ANO4: variants seen among roughly 807,000 people sequenced by gnomAD.
ANO4 encodes anoctamin-4.
ANO4 carries 69 observed loss-of-function variants against 141.9 expected under a neutral mutation model. That is an observed-to-expected ratio of 0.49 (90% CI 0.40 to 0.59). ANO4 has a LOEUF of 0.59. Among genes scored for constraint, ANO4 ranks in the 20% least tolerant of loss-of-function variants. The pLI is 0.00. For synonymous variants in ANO4, 350 were observed against 394.3 expected, an observed-to-expected ratio of 0.89 and a Z score of 1.33; for missense variants, 894 against 1,162.2, an observed-to-expected ratio of 0.77 and a Z score of 3.36.
chr12:100,933,604 G>A (rs549137024), intron 3 of ANO4, among the ~76,000 whole-genome samples: 2 of 152,290 alleles, frequency 1.3e-5, no homozygotes, highest in African/African-American at 4.8e-5. Flanking sequence ...CTTTATAGTA[G>A]CATGATTTAT....
intron 3 of ANO4, among the ~76,000 whole-genome samples, chr12:100,752,783 A>G (rs1300998242): frequency 6.6e-6 from 1 of 152,212 alleles, no homozygotes; most frequent in Non-Finnish European, 1.5e-5. Context: ...ACATCTCTGG[A>G]GTCAGTGAAG....
chr12:101,050,427 A>T (rs906823610), intron 14 of ANO4, among the ~76,000 whole-genome samples: 2 of 152,154 alleles, frequency 1.3e-5, no homozygotes, highest in Admixed American at 6.5e-5. Context: ...TTGCAAACAA[A>T]CTAACCCTAA....
In ANO4 at chr12:100,724,290, A is replaced by G. The variant is rs1036223114; in HGVS notation, c.22+6743A>G. Among the ~76,000 whole-genome samples, 21 of 152,222 alleles carry G rather than the reference A, an allele frequency of 1.4e-4. 1 individual carries two copies. In the East Asian group the frequency reaches 1.7e-3, roughly 13 times the overall value. On this transcript the variant is annotated intron_variant, in intron 1 of 29. Coordinates refer to the ANO4 transcript ENST00000644049. ...CAGTATTTAAAATGCAGGAAAGGTG[A>G]TTCAAGTATTTGAAAGCTTACGGGA...
In ANO4 at chr12:101,078,660, C is replaced by T. The variant is rs185149848; in HGVS notation, c.1313-533C>T. Among the ~76,000 whole-genome samples the T allele has an allele frequency of 1.6e-3, 242 of 152,138 alleles. 1 individual carries two copies. The highest frequency in any genetic ancestry group is 5.2e-3 in the African/African-American group (216 of 41,500). ...AACAACAGGACTCCTTCCAGTAAAACAGGAAAATATATTTTACATAGGTAT... is the reference window on the plus strand; with the variant it reads ...AACAACAGGACTCCTTCCAGTAAAATAGGAAAATATATTTTACATAGGTAT... On this transcript the variant is annotated intron_variant, in intron 14 of 27. Coordinates refer to ENST00000392977, the MANE Select transcript of ANO4 (RefSeq NM_001286615.2).
intron 9 of ANO4, among the ~76,000 whole-genome samples, chr12:101,031,235 C>T (rs11513868): frequency 6.6e-6 from 1 of 152,138 alleles, no homozygotes; most frequent in African/African-American, 2.4e-5. Context: ...AGCTTAGCCA[C>T]CACAATCAAG....
intron 8 of ANO4, among the ~76,000 whole-genome samples, chr12:101,009,720 G>T (rs780565984): frequency 1.3e-5 from 2 of 151,878 alleles, no homozygotes; most frequent in South Asian, 4.2e-4. Flanking sequence ...TTATATTACT[G>T]GATGCTCAGT....
intron 8 of ANO4, among the ~76,000 whole-genome samples, chr12:101,008,447 G>C (rs2045954646): frequency 6.6e-6 from 1 of 152,048 alleles, no homozygotes; most frequent in Admixed American, 6.6e-5. Flanking sequence ...AGAATTTGCT[G>C]TTTGTTTCTT....
intron 8 of ANO4, among the ~76,000 whole-genome samples, chr12:100,989,538 G>T (rs1317663924): frequency 1.3e-5 from 2 of 150,524 alleles, no homozygotes; most frequent in Non-Finnish European, 3.0e-5. Flanking sequence ...TTGATAGGTT[G>T]CTGGGTGGGT....
chr12:100,973,241 C>G lies in ANO4; in HGVS notation c.558-1604C>G, dbSNP rs188315053. Among the ~76,000 whole-genome samples, 437 of 152,300 alleles carry G rather than the reference C, an allele frequency of 2.9e-3. 3 individuals are homozygous for G. The highest frequency in any genetic ancestry group is 0.01 in the African/African-American group (417 of 41,570). On this transcript the variant is annotated intron_variant, in intron 6 of 27. Coordinates refer to ENST00000392977, the MANE Select transcript of ANO4 (RefSeq NM_001286615.2). Reference sequence around the variant, plus strand: ...TTTGCTATTATTGTGTCCACAGTTTCAGACAAATAACTCTAGTCTAAGGAG... The same window carrying G: ...TTTGCTATTATTGTGTCCACAGTTTGAGACAAATAACTCTAGTCTAAGGAG...
intron 3 of ANO4, among the ~76,000 whole-genome samples, chr12:100,772,274 G>C (rs1043661639): frequency 6.6e-6 from 1 of 152,182 alleles, no homozygotes; most frequent in African/African-American, 2.4e-5. Context: ...TATGAGTTAT[G>C]CAATATGTAT....
At chr12:100,733,138 A>C (rs2031452256) in intron 1 of ANO4, among the ~76,000 whole-genome samples, 1 of 152,132 alleles carries the variant, frequency 6.6e-6, no homozygotes, top group South Asian at 2.1e-4. Flanking sequence ...TGATCTTCCT[A>C]AAACAAAAAT....
intron 3 of ANO4, among the ~76,000 whole-genome samples, chr12:100,931,857 C>G (rs1335684631): frequency 6.6e-6 from 1 of 152,090 alleles, no homozygotes; most frequent in Non-Finnish European, 1.5e-5. Flanking sequence ...CGAATTGGAG[C>G]TACCTTAGCT....
chr12:100,946,513 C>A (rs139634868), intron 5 of ANO4, among the ~76,000 whole-genome samples: 1 of 152,154 alleles, frequency 6.6e-6, no homozygotes, highest in Non-Finnish European at 1.5e-5. Context: ...ATTGAATGGG[C>A]AGTGTAAAAA....
rs1487012924 is a variant in ANO4, at chr12:101,099,607, A to G, written c.2036A>G (p.Lys679Arg). The G allele has an allele frequency of 2.5e-6, 4 of 1,603,004 alleles. No homozygotes were observed. In the African/African-American group the frequency reaches 5.4e-5, roughly 22 times the overall value. Reference protein sequence around the residue: ...PLIQNWWTRRKVRQEHGPERK... With the variant: ...PLIQNWWTRRRVRQEHGPERK... Reference sequence around the variant, plus strand: ...ATTCAGAATTGGTGGACTAGAAGAAAAGTACGACAAGAACATGGACCTGAA... The same window carrying G: ...ATTCAGAATTGGTGGACTAGAAGAAGAGTACGACAAGAACATGGACCTGAA... The change falls in exon 22 of 28, where the codon AAA becomes AGA. Residue 679 changes from lysine to arginine, a missense_variant. Around this residue, in one of 2 missense-constraint regions of ANO4, gnomAD observed 637 missense variants for 909.2 expected, o/e 0.70. Coordinates refer to ENST00000392977, the MANE Select transcript of ANO4 (RefSeq NM_001286615.2).
intron 1 of ANO4, among the ~76,000 whole-genome samples, chr12:100,823,888 AAC>A (rs1469285896): frequency 6.6e-6 from 1 of 152,078 alleles, no homozygotes. Flanking sequence ...AGTTCACAAA[AAC>A]ACATACTGTA....
chr12:100,987,395 C>T, intron 7 of ANO4, 144 bp from the exon 8 acceptor site: 1 of 1,041,012 alleles, frequency 9.6e-7, no homozygotes, highest in East Asian at 2.5e-5. Flanking sequence ...TTCTTTCCAT[C>T]TATAAAACAA....
intron 3 of ANO4, among the ~76,000 whole-genome samples, chr12:100,781,457 G>T (rs1473069985): frequency 6.6e-6 from 1 of 151,988 alleles, no homozygotes; most frequent in Non-Finnish European, 1.5e-5. Context: ...TTCCATATAT[G>T]CCTGTGCCCA....
rs548570956 is a variant in ANO4, at chr12:100,985,017, T to C, written c.603-2522T>C. Among the ~76,000 whole-genome samples the C allele has an allele frequency of 3.3e-5, 5 of 152,308 alleles. No homozygotes were observed. In the South Asian group the frequency reaches 6.2e-4, roughly 19 times the overall value. ...ACACAGAGCCCAGATTCTGTGGGAA[T>C]GTGAATTTTACAAAGTGTGATCTGA... On this transcript the variant is annotated intron_variant, in intron 7 of 27. Transcript: ENST00000392977.
chr12:101,126,592 TG>T (rs1566285648), intron 26 of ANO4, among the ~76,000 whole-genome samples: 1 of 152,200 alleles, frequency 6.6e-6, no homozygotes, highest in Non-Finnish European at 1.5e-5. Context: ...AGCTTCAACC[TG>T]GGTTTTCTGA....
Sources: allele counts gnomAD v4.1 joint callset (sites outside exome capture counted in the v4.1 genomes callset), GRCh38; gene constraint gnomAD v4.1.1; regional missense constraint gnomAD v4.1.1; transcripts MANE v1.5; gene names NCBI Gene and HGNC (gene_info 2026-07-23, HGNC 2026-07-21).